Variants in ROS1 observed in about 807,000 individuals in gnomAD.
ROS1 encodes the protein proto-oncogene tyrosine-protein kinase ROS.
ROS1 carries 263 observed loss-of-function variants against 273.5 expected under a neutral mutation model. The ratio of observed to expected loss-of-function variants is 0.96; its 90% CI spans 0.87 to 1.06. The LOEUF (loss-of-function observed/expected upper bound fraction) is 1.06, where lower values mean the gene tolerates loss of function less well. ROS1 is among the 50% of genes least tolerant of loss of function. The pLI, the probability that ROS1 is intolerant of heterozygous loss-of-function variation, is 0.00. For synonymous variants in ROS1, 1,008 were observed against 954.1 expected (o/e 1.06, Z -1.04); for missense variants, 2,833 against 2,751.1 (o/e 1.03, Z -0.67).
chr6:117,393,417 T>G, intron 11 of ROS1, 96 bp from the exon 12 acceptor site: 1 of 843,986 alleles, frequency 1.2e-6, no homozygotes. Context: ...TCTGTTGGAA[T>G]TGTACTAGGC....
chr6:117,304,657 T>C (rs1001844769), intron 42 of ROS1, among the ~76,000 whole-genome samples: 1 of 152,240 alleles, frequency 6.6e-6, no homozygotes, highest in African/African-American at 2.4e-5. Flanking sequence ...ATATCTATGC[T>C]GTATATGCTA....
intron 27 of ROS1, among the ~76,000 whole-genome samples, chr6:117,346,958 T>C (rs1778430654): frequency 6.6e-6 from 1 of 152,116 alleles, no homozygotes; most frequent in South Asian, 2.1e-4. Flanking sequence ...TCTACATAGT[T>C]TTTTACTTTC....
chr6:117,408,258 C>T (rs905132196), intron 5 of ROS1, among the ~76,000 whole-genome samples: 80 of 146,038 alleles, frequency 5.5e-4, no homozygotes, highest in African/African-American at 1.8e-3. Context: ...AAAGAAACTA[C>T]CATCAGACTG....
At chr6:117,318,756 G>A (rs531263333) in intron 37 of ROS1, among the ~76,000 whole-genome samples, 2 of 152,196 alleles carry the variant, frequency 1.3e-5, no homozygotes, top group South Asian at 4.1e-4. Context: ...AGGGAGCTTT[G>A]AAGAAGACTT....
In ROS1 at chr6:117,397,027, C is replaced by T. The variant is rs2128716710; in HGVS notation, c.694G>A (p.Gly232Arg). The T allele has an allele frequency of 6.2e-7, 1 of 1,613,784 alleles. No individual in the cohort carries two copies. Among genetic ancestry groups the T allele is most frequent in the Non-Finnish European group, 8.5e-7 (1 of 1,179,722 alleles). ...VSWDPPQFPGGPILGYNLRLI... is the reference protein window; with the variant it reads ...VSWDPPQFPGRPILGYNLRLI... ...CTTAAGTTATAACCCAAAATAGGTC[C>T]ACCTGGGAATTGAGGTGGATCCCAG... Residue 232 changes from glycine to arginine, a missense_variant, in exon 8 of 44, where the codon GGA becomes AGA. Gly to Arg is a moderately radical substitution (Grantham distance 125). Transcript: ENST00000368507.
chr6:117,349,049 G>T (rs1485004900), intron 27 of ROS1, among the ~76,000 whole-genome samples: 2 of 151,908 alleles, frequency 1.3e-5, no homozygotes, highest in Non-Finnish European at 2.9e-5. Context: ...TTCTGCTGTT[G>T]TTGGAAAAAT....
chr6:117,340,851 C>A (rs1432098533), intron 31 of ROS1, among the ~76,000 whole-genome samples: 1 of 151,810 alleles, frequency 6.6e-6, no homozygotes, highest in African/African-American at 2.4e-5. Context: ...GACTTTAAAC[C>A]AGAGAACCAT....
intron 18 of ROS1, 35 bp from the exon 19 acceptor site, chr6:117,366,325 T>C (rs1389609150): frequency 2.6e-6 from 4 of 1,524,418 alleles, no homozygotes; most frequent in Non-Finnish European, 2.7e-6. Context: ...TGTGTGTTTC[T>C]GGAGTGGTGG....
chr6:117,403,111 T>C lies in ROS1; in HGVS notation c.604+28A>G, dbSNP rs1044783863. Reference sequence around the variant, plus strand: ...AAATCAAAGCTTTGGAATAATGTCCTTTCATAAGAAATGTGTGCACACCAT... The same window carrying C: ...AAATCAAAGCTTTGGAATAATGTCCCTTCATAAGAAATGTGTGCACACCAT... On this transcript the variant is annotated intron_variant, in intron 7 of 43. Transcript: ENST00000368507. 1.9e-6 allele frequency: 3 copies of C among 1,611,664 alleles called. No homozygotes were observed. The Admixed American group carries it at 5.0e-5, about 27-fold the overall frequency.
chr6:117,300,934 G>A (rs1442657933), intron 43 of ROS1, 40 bp downstream of exon 43: 1 of 1,497,886 alleles, frequency 6.7e-7, no homozygotes, highest in Admixed American at 2.3e-5. Context: ...TCAGTTCACA[G>A]TGCAGCGAAA....
At position 117,424,666 on chromosome 6, in the gene ROS1, A is replaced by C. The variant is rs1302606515; in HGVS notation, c.123+868T>G. Reference sequence around the variant, plus strand: ...AATGCTACTAACCATGGTAAACCTAAGTAGTGTTTTAAACTACAGTTTAAA... The same window carrying C: ...AATGCTACTAACCATGGTAAACCTACGTAGTGTTTTAAACTACAGTTTAAA... On this transcript the variant is annotated intron_variant, in intron 1 of 43. Transcript: ENST00000368507. Among the ~76,000 whole-genome samples, 15 of 152,300 alleles carry C rather than the reference A, an allele frequency of 9.8e-5. No homozygotes were observed. The East Asian group carries it at 2.7e-3, about 27-fold the overall frequency.
chr6:117,361,662 T>C (rs1026536729), intron 22 of ROS1, among the ~76,000 whole-genome samples: 5 of 151,294 alleles, frequency 3.3e-5, no homozygotes, highest in Non-Finnish European at 5.9e-5. Context: ...GAACGTGTAC[T>C]ATCTTTAACT....
intron 5 of ROS1, among the ~76,000 whole-genome samples, chr6:117,405,811 G>A (rs1161256376): frequency 6.6e-6 from 1 of 152,132 alleles, no homozygotes; most frequent in East Asian, 1.9e-4. Flanking sequence ...AGGCAGCTGG[G>A]TTATACTTTC....
intron 43 of ROS1, among the ~76,000 whole-genome samples, chr6:117,299,004 TATAG>T (rs1774467576): frequency 2.0e-5 from 1 of 50,256 alleles, no homozygotes; most frequent in South Asian, 3.9e-4. Context: ...CAAGTATATA[TATAG>T]AGAGCCCCCC....
chr6:117,338,539 C>A (rs866520080), intron 31 of ROS1, among the ~76,000 whole-genome samples: 44 of 141,582 alleles, frequency 3.1e-4, no homozygotes, highest in Non-Finnish European at 4.8e-4. Flanking sequence ...AACTCCTGGC[C>A]AAAAAAAAAA....
intron 1 of ROS1, 78 bp downstream of exon 1, chr6:117,425,456 C>A: frequency 7.1e-7 from 1 of 1,400,998 alleles, no homozygotes. Flanking sequence ...AAAGAGAAAA[C>A]AATTCTATCA....
At chr6:117,363,777 C>T (rs1284873007) in intron 21 of ROS1, among the ~76,000 whole-genome samples, 1 of 152,132 alleles carries the variant, frequency 6.6e-6, no homozygotes, top group Admixed American at 6.6e-5. Context: ...TATGCCACTG[C>T]TGCTCAGGTA....
Position 117,337,330 on chromosome 6 carries a change from T to C in ROS1, c.5072A>G (p.Asn1691Ser). The change falls in exon 32 of 44, where the codon AAT (asparagine) becomes AGT (serine). Residue 1691 changes from asparagine (N) to serine (S), a missense_variant. Physicochemically the swap from Asn to Ser is conservative, Grantham distance 46. Coordinates refer to ENST00000368507, the MANE Select transcript of ROS1 (RefSeq NM_001378902.1). ...FWVELQKWKY[N>S]EFYHVKTSCS... ...TGAAGTTTTAACATGGTAAAACTCATTGTATTTCCACTAGAAAAAGAAGTC... is the reference window on the plus strand; with the variant it reads ...TGAAGTTTTAACATGGTAAAACTCACTGTATTTCCACTAGAAAAAGAAGTC... 1 of 1,592,456 alleles carries C rather than the reference T, an allele frequency of 6.3e-7. No individual in the cohort carries two copies. The highest frequency in any genetic ancestry group is 8.5e-7 in the Non-Finnish European group (1 of 1,173,324).
intron 43 of ROS1, among the ~76,000 whole-genome samples, chr6:117,289,907 A>T (rs1773711742): frequency 1.3e-5 from 2 of 152,324 alleles, no homozygotes; most frequent in South Asian, 4.1e-4. Flanking sequence ...CCATAAGAAT[A>T]ACTTGGTATA....
Sources: allele counts gnomAD v4.1 joint callset (sites outside exome capture counted in the v4.1 genomes callset), GRCh38; gene constraint gnomAD v4.1.1; transcripts MANE v1.5; gene names NCBI Gene and HGNC (gene_info 2026-07-23, HGNC 2026-07-21).